ITGA8: variants seen among roughly 807,000 people sequenced by gnomAD.
ITGA8 encodes the protein integrin alpha-8.
Under a neutral mutation model 142.3 loss-of-function variants are expected in ITGA8, and 91 were observed. The ratio of observed to expected loss-of-function variants is 0.64; its 90% CI spans 0.54 to 0.76. The LOEUF (loss-of-function observed/expected upper bound fraction) is 0.76. ITGA8 is among the 30% of genes least tolerant of loss of function. The pLI is 0.00. For missense variants in ITGA8, 1,406 were observed against 1,327.7 expected, an observed-to-expected ratio of 1.06 and a Z score of -0.92; for synonymous variants, 505 against 485.2, an observed-to-expected ratio of 1.04 and a Z score of -0.54.
At chr10:15,587,597 A>G (rs1268756277) in intron 22 of ITGA8, among the ~76,000 whole-genome samples, 1 of 152,216 alleles carries the variant, frequency 6.6e-6, no homozygotes, top group African/African-American at 2.4e-5. Context: ...TTAAAAGACC[A>G]GTTTAAATAA....
In ITGA8 at chr10:15,616,563, A is replaced by G. The variant is rs767925176; in HGVS notation, c.1400-4T>C. 1.2e-6 allele frequency: 2 copies of G among 1,611,188 alleles called. No individual in the cohort carries two copies. The highest frequency in any genetic ancestry group is 1.7e-6 in the Non-Finnish European group (2 of 1,178,526). ...CCAAATGCACCCACAATCAAATCTTAAAAAGACAAAAACACAGAACACATG... is the reference window on the plus strand; with the variant it reads ...CCAAATGCACCCACAATCAAATCTTGAAAAGACAAAAACACAGAACACATG... On this transcript the variant is annotated splice_polypyrimidine_tract_variant and splice_region_variant and intron_variant, in intron 13 of 29. Coordinates refer to ENST00000378076, the MANE Select transcript of ITGA8 (RefSeq NM_003638.3).
intron 2 of ITGA8, among the ~76,000 whole-genome samples, chr10:15,718,431 C>G (rs1449488724): frequency 6.6e-6 from 1 of 152,132 alleles, no homozygotes; most frequent in African/African-American, 2.4e-5. Flanking sequence ...ATTCTCTCCA[C>G]AGTCAAAGTT....
At chr10:15,605,661 C>A (rs1266361888) in intron 19 of ITGA8, 63 bp downstream of exon 19, 6 of 1,338,224 alleles carry the variant, frequency 4.5e-6, no homozygotes, top group South Asian at 1.2e-5. Flanking sequence ...CTCCAGAGAA[C>A]CTTTACATAA....
At chr10:15,526,170 A>C (rs1833170210) in intron 28 of ITGA8, among the ~76,000 whole-genome samples, 1 of 150,624 alleles carries the variant, frequency 6.6e-6, no homozygotes, top group South Asian at 2.1e-4. Flanking sequence ...CAAATCTTTC[A>C]TTATAAGATT....
intron 10 of ITGA8, among the ~76,000 whole-genome samples, chr10:15,657,709 C>T (rs1405663862): frequency 1.3e-5 from 2 of 151,948 alleles, no homozygotes; most frequent in Admixed American, 1.3e-4. Flanking sequence ...TTTGTTTCTC[C>T]AGGCAATCGA....
At chr10:15,521,908 C>T (rs1286150788) in intron 28 of ITGA8, among the ~76,000 whole-genome samples, 1 of 152,112 alleles carries the variant, frequency 6.6e-6, no homozygotes. Context: ...AAGTGGATCT[C>T]ATGGAGGTAG....
At position 15,606,307 on chromosome 10, in the gene ITGA8, C is replaced by T. The variant is rs1273299281; in HGVS notation, c.1880G>A (p.Arg627Lys). The change falls in exon 18 of 30, where the codon AGA becomes AAA. Residue 627 changes from arginine (R) to lysine (K), a missense_variant. Transcript: ENST00000378076. ...LEVKPILNYY[R>K]ENIVSEQAHI... ...TACCTGTTCACTAACAATGTTTTCTCTGTAGTAGTTCAATATTGGTTTCAC... is the reference window on the plus strand; with the variant it reads ...TACCTGTTCACTAACAATGTTTTCTTTGTAGTAGTTCAATATTGGTTTCAC... 9.3e-6 allele frequency: 15 copies of T among 1,610,484 alleles called. No homozygotes were observed. The highest frequency in any genetic ancestry group is 1.3e-5 in the Non-Finnish European group (15 of 1,177,220).
intron 2 of ITGA8, among the ~76,000 whole-genome samples, chr10:15,696,259 A>G (rs558088055): frequency 2.0e-5 from 3 of 152,350 alleles, no homozygotes; most frequent in African/African-American, 7.2e-5. Flanking sequence ...CGGAGAAAGC[A>G]AAGGCAAAAG....
intron 26 of ITGA8, among the ~76,000 whole-genome samples, chr10:15,549,513 AAATCAGATTTTCT>A (rs1275535949): frequency 6.6e-6 from 1 of 152,094 alleles, no homozygotes; most frequent in Non-Finnish European, 1.5e-5. Context: ...GCCTGGCCTC[AAATCAGATTTTCT>A]AATCAGATTC....
At position 15,605,793 on chromosome 10, in the gene ITGA8, T is replaced by G. The variant is rs1487233305; in HGVS notation, c.1903-2A>C. Reference sequence around the variant, plus strand: ...TCCACAGTCCACCAGAATGTGAGCCTGTGTTGTATAAACGCACGTCAGGAA... The same window carrying G: ...TCCACAGTCCACCAGAATGTGAGCCGGTGTTGTATAAACGCACGTCAGGAA... On this transcript the variant is annotated splice_acceptor_variant, in intron 18 of 29. Coordinates refer to ENST00000378076, the MANE Select transcript of ITGA8 (RefSeq NM_003638.3). LOFTEE classifies it high-confidence loss of function. 1 of 1,613,096 alleles carries G rather than the reference T, an allele frequency of 6.2e-7. No homozygotes were observed. The highest frequency in any genetic ancestry group is 8.5e-7 in the Non-Finnish European group (1 of 1,179,242).
chr10:15,608,996 G>T (rs977175612), intron 15 of ITGA8, among the ~76,000 whole-genome samples: 1 of 152,052 alleles, frequency 6.6e-6, no homozygotes, highest in Non-Finnish European at 1.5e-5. Flanking sequence ...AGCTAGGTGG[G>T]CACAATGATA....
intron 13 of ITGA8, among the ~76,000 whole-genome samples, chr10:15,625,616 A>T (rs1331590961): frequency 6.6e-6 from 1 of 152,190 alleles, no homozygotes; most frequent in Non-Finnish European, 1.5e-5. Context: ...ATTGATAAAA[A>T]CCTAATGGGA....
At chr10:15,641,221 G>C (rs1247006045) in intron 13 of ITGA8, among the ~76,000 whole-genome samples, 1 of 152,136 alleles carries the variant, frequency 6.6e-6, no homozygotes, top group South Asian at 2.1e-4. Flanking sequence ...GGCTGGCTGA[G>C]GGGTCTTGAA....
At chr10:15,546,450 T>C (rs1441322068) in intron 27 of ITGA8, among the ~76,000 whole-genome samples, 3 of 152,206 alleles carry the variant, frequency 2.0e-5, no homozygotes, top group Non-Finnish European at 4.4e-5. Flanking sequence ...TACTTCTCCT[T>C]AGGTCAGTGG....
At chr10:15,714,286 A>C (rs1220825716) in intron 2 of ITGA8, among the ~76,000 whole-genome samples, 1 of 152,206 alleles carries the variant, frequency 6.6e-6, no homozygotes, top group African/African-American at 2.4e-5. Context: ...TTGGTTTAGA[A>C]AATGTAGGAA....
intron 21 of ITGA8, among the ~76,000 whole-genome samples, chr10:15,594,149 T>C (rs1047394754): frequency 2.6e-5 from 4 of 152,068 alleles, no homozygotes; most frequent in Admixed American, 2.6e-4. Context: ...CGGATGAATT[T>C]TTTTAAAAAT....
intron 13 of ITGA8, among the ~76,000 whole-genome samples, chr10:15,635,431 G>C (rs1833757263): frequency 6.6e-6 from 1 of 152,182 alleles, no homozygotes; most frequent in Admixed American, 6.5e-5. Context: ...AAGACCCTGG[G>C]AGGAGTAATC....
intron 2 of ITGA8, among the ~76,000 whole-genome samples, chr10:15,709,158 G>A (rs1364875619): frequency 1.3e-5 from 2 of 152,214 alleles, no homozygotes; most frequent in African/African-American, 4.8e-5. Context: ...GGGAGCAGAT[G>A]CAGCCATTTA....
intron 29 of ITGA8, among the ~76,000 whole-genome samples, chr10:15,517,590 C>G (rs1341681853): frequency 6.6e-6 from 1 of 152,228 alleles, no homozygotes; most frequent in African/African-American, 2.4e-5. Flanking sequence ...TCCCAAAGTG[C>G]TGGGATTACA....
Sources: allele counts gnomAD v4.1 joint callset (sites outside exome capture counted in the v4.1 genomes callset), GRCh38; gene constraint gnomAD v4.1.1; transcripts MANE v1.5; gene names NCBI Gene and HGNC (gene_info 2026-07-23, HGNC 2026-07-21).